The following SLC38A6 variants were observed in gnomAD, a reference collection of about 807,000 sequenced individuals.
The protein encoded by SLC38A6 is solute carrier family 38 member 6.
Under a neutral mutation model 65.0 loss-of-function variants are expected in SLC38A6, and 73 were observed. That is an observed-to-expected ratio of 1.12 (90% CI 0.93 to 1.37). SLC38A6 has a LOEUF of 1.37. Among genes scored for constraint, SLC38A6 ranks in the 40% most tolerant of loss-of-function variants. The pLI is 0.00. For missense variants in SLC38A6, 561 were observed against 531.1 expected, an observed-to-expected ratio of 1.06 and a Z score of -0.55; for synonymous variants, 183 against 178.8, an observed-to-expected ratio of 1.02 and a Z score of -0.19.
chr14:61,025,446 T>G (rs1020996386), intron 5 of SLC38A6, among the ~76,000 whole-genome samples: 1 of 152,150 alleles, frequency 6.6e-6, no homozygotes, highest in Non-Finnish European at 1.5e-5. Flanking sequence ...TTATCTGTGG[T>G]GAAACTGCAG....
intron 3 of SLC38A6, among the ~76,000 whole-genome samples, chr14:60,993,345 CT>C (rs937539597): frequency 1.3e-5 from 2 of 152,318 alleles, no homozygotes; most frequent in African/African-American, 4.8e-5. Context: ...TTTAGGCAAG[CT>C]AACTCCAGAG....
At chr14:60,992,862 T>C (rs2038011902) in intron 3 of SLC38A6, among the ~76,000 whole-genome samples, 1 of 151,690 alleles carries the variant, frequency 6.6e-6, no homozygotes, top group Non-Finnish European at 1.5e-5. Context: ...TTTTTTTTTT[T>C]TTTTTGAGGC....
At chr14:61,076,040 A>G (rs142014634) in intron 15 of SLC38A6, among the ~76,000 whole-genome samples, 134 of 152,034 alleles carry the variant, frequency 8.8e-4, no homozygotes, top group African/African-American at 3.1e-3. Flanking sequence ...TTTTTAGTAG[A>G]GACGAGGTTT....
chr14:61,051,778 G>A lies in SLC38A6; in HGVS notation c.1051-9G>A, dbSNP rs376590471. 18 of 1,609,614 alleles carry A rather than the reference G, an allele frequency of 1.1e-5. No individual in the cohort carries two copies. Among genetic ancestry groups the A allele is most frequent in the South Asian group, 9.9e-5 (9 of 90,522 alleles). On this transcript the variant is annotated splice_polypyrimidine_tract_variant and intron_variant, in intron 13 of 15. Transcript: ENST00000267488. ...CTCTTCGCTATATGTTTATTTTTCT[G>A]TAATACAGGCCAGAAAAGCTGTAAC...
intron 15 of SLC38A6, among the ~76,000 whole-genome samples, chr14:61,069,142 G>A (rs747746345): frequency 1.3e-5 from 2 of 152,120 alleles, no homozygotes; most frequent in Non-Finnish European, 2.9e-5. Context: ...CCCAGGCATC[G>A]ATAAACTTCT....
intron 3 of SLC38A6, among the ~76,000 whole-genome samples, chr14:60,995,724 A>G (rs943351062): frequency 1.3e-5 from 2 of 152,222 alleles, no homozygotes; most frequent in South Asian, 2.1e-4. Flanking sequence ...CTCTGTGTAT[A>G]TCAAAACATC....
chr14:61,069,393 A>G (rs921716610), intron 15 of SLC38A6, among the ~76,000 whole-genome samples: 2 of 151,834 alleles, frequency 1.3e-5, no homozygotes, highest in Non-Finnish European at 2.9e-5. Context: ...TACTACCCCC[A>G]TTAATCCCAG....
rs1318360224 is a variant in SLC38A6 at position 60,999,181 on chromosome 14, A to G, written c.310+14378A>G. Among the ~76,000 whole-genome samples, 4 of 152,194 alleles carry G rather than the reference A, an allele frequency of 2.6e-5. No homozygotes were observed. The East Asian group carries it at 7.7e-4, about 29-fold the overall frequency. On this transcript the variant is annotated intron_variant, in intron 3 of 15. Coordinates refer to ENST00000267488, the MANE Select transcript of SLC38A6 (RefSeq NM_153811.3). ...AGTGAGAAGCCACTGAGGTTGTTGA[A>G]AAAGAGTCAAAGTAGATACTGGAAT...
chr14:61,005,982 A>G (rs1264882519), intron 3 of SLC38A6, among the ~76,000 whole-genome samples: 1 of 152,180 alleles, frequency 6.6e-6, no homozygotes, highest in East Asian at 1.9e-4. Context: ...AAACAGAGAT[A>G]TAGATCAATG....
intron 15 of SLC38A6, among the ~76,000 whole-genome samples, chr14:61,077,646 G>T (rs187354431): frequency 6.6e-6 from 1 of 152,102 alleles, no homozygotes; most frequent in Non-Finnish European, 1.5e-5. Context: ...TCATTCATTT[G>T]CATTCAAATA....
intron 6 of SLC38A6, among the ~76,000 whole-genome samples, chr14:61,035,399 C>T (rs531496645): frequency 8.2e-4 from 125 of 152,044 alleles, no homozygotes; most frequent in African/African-American, 2.9e-3. Context: ...TTCTTAAAGC[C>T]ACGTAACATT....
At chr14:61,028,465 C>G (rs1566673254) in intron 5 of SLC38A6, among the ~76,000 whole-genome samples, 1 of 152,080 alleles carries the variant, frequency 6.6e-6, no homozygotes, top group South Asian at 2.1e-4. Context: ...GTGTAGAGTT[C>G]TTTGGAATCG....
At chr14:61,073,490 T>C (rs186496505) in intron 15 of SLC38A6, among the ~76,000 whole-genome samples, 1 of 152,272 alleles carries the variant, frequency 6.6e-6, no homozygotes, top group Admixed American at 6.5e-5. Flanking sequence ...TTCATTTATA[T>C]TTTTCTTCCA....
chr14:60,990,641 A>AG (rs1006651596), intron 3 of SLC38A6, among the ~76,000 whole-genome samples: 1 of 151,588 alleles, frequency 6.6e-6, no homozygotes, highest in African/African-American at 2.4e-5. Flanking sequence ...TTCAAAAAAA[A>AG]TTTTTTTTCG....
intron 16 of SLC38A6, among the ~76,000 whole-genome samples, chr14:61,082,483 G>A (rs569178447): frequency 6.6e-6 from 1 of 152,276 alleles, no homozygotes; most frequent in African/African-American, 2.4e-5. Context: ...TCCTCCAAGA[G>A]GAGTACTCAC....
intron 15 of SLC38A6, among the ~76,000 whole-genome samples, chr14:61,067,747 A>C (rs1234548494): frequency 6.6e-6 from 1 of 152,108 alleles, no homozygotes. Flanking sequence ...ATAGGTACAC[A>C]TATACATACA....
At chr14:61,014,038 G>T (rs1315461110) in intron 3 of SLC38A6, among the ~76,000 whole-genome samples, 1 of 152,070 alleles carries the variant, frequency 6.6e-6, no homozygotes. Context: ...ACGTAGATTT[G>T]GTCTTTTCAC....
chr14:61,014,326 C>G (rs1400258670), intron 3 of SLC38A6, among the ~76,000 whole-genome samples: 1 of 151,990 alleles, frequency 6.6e-6, no homozygotes, highest in Non-Finnish European at 1.5e-5. Flanking sequence ...GCCATGGGTT[C>G]GAACTTCCTC....
chr14:61,013,522 C>G (rs1437123284), intron 3 of SLC38A6, among the ~76,000 whole-genome samples: 1 of 152,174 alleles, frequency 6.6e-6, no homozygotes, highest in African/African-American at 2.4e-5. Context: ...GTGACTGGTA[C>G]TGGTTGTTCC....
Sources: gnomAD v4.1 joint callset for allele counts (sites outside exome capture counted in the v4.1 genomes callset) on GRCh38, gnomAD v4.1.1 for gene constraint, MANE v1.5 for transcripts, NCBI Gene and HGNC (gene_info 2026-07-23, HGNC 2026-07-21) for gene names.